SDK1: variants seen among roughly 807,000 people sequenced by gnomAD.
The protein encoded by SDK1 is protein sidekick-1.
SDK1 carries 157 observed loss-of-function variants against 245.5 expected under a neutral mutation model. The observed-to-expected ratio is 0.64, with a 90% CI of 0.56 to 0.73. The LOEUF (loss-of-function observed/expected upper bound fraction) is 0.73, where lower values mean the gene tolerates loss of function less well. Among genes scored for constraint, SDK1 ranks in the 30% least tolerant of loss-of-function variants. The pLI is 0.00. For missense variants in SDK1, 3,583 were observed against 3,002.3 expected, an observed-to-expected ratio of 1.19 and a Z score of -4.52; for synonymous variants, 1,647 against 1,278.5, an observed-to-expected ratio of 1.29 and a Z score of -6.15.
intron 33 of SDK1, among the ~76,000 whole-genome samples, chr7:4,175,331 G>A (rs994906253): frequency 6.6e-6 from 1 of 152,216 alleles, no homozygotes; most frequent in African/African-American, 2.4e-5. Flanking sequence ...CACAGTAGAA[G>A]GGCCCCGGGA....
At chr7:3,381,641 A>T (rs911117039) in intron 1 of SDK1, among the ~76,000 whole-genome samples, 2 of 152,118 alleles carry the variant, frequency 1.3e-5, no homozygotes, top group Non-Finnish European at 2.9e-5. Context: ...TCCTAGAAGG[A>T]TTGTATTTTC....
At chr7:3,739,061 C>G (rs540193529) in intron 4 of SDK1, among the ~76,000 whole-genome samples, 3 of 151,980 alleles carry the variant, frequency 2.0e-5, no homozygotes, top group South Asian at 2.1e-4. Flanking sequence ...GATTTGCATG[C>G]CTGCATAGCT....
intron 2 of SDK1, among the ~76,000 whole-genome samples, chr7:3,627,249 C>T (rs190557457): frequency 1.1e-4 from 16 of 152,206 alleles, no homozygotes; most frequent in Non-Finnish European, 1.8e-4. Flanking sequence ...GGCATTGTTC[C>T]GAATCCTATT....
chr7:4,264,207 G>GGGAGGCCGCGTAGACCTCTCCTGAGT (rs1562494369), intron 44 of SDK1, among the ~76,000 whole-genome samples: 2 of 16,866 alleles, frequency 1.2e-4, no homozygotes, highest in African/African-American at 9.4e-4. Context: ...TCTCCTGAGT[G>GGGAGGCCGCGTAGACCTCTCCTGAGT]GGGGAGGCCG....
At position 4,026,530 on chromosome 7, in the gene SDK1, C is replaced by A. The variant is rs1036304753; in HGVS notation, c.2602+9178C>A. 1.3e-5 allele frequency among the ~76,000 whole-genome samples: 2 copies of A among 152,166 alleles called. No homozygotes were observed. Among genetic ancestry groups the A allele is most frequent in the African/African-American group, 4.8e-5 (2 of 41,442 alleles). ...CCACGTGCTGTGCCCCCACCCCAGC[C>A]CAAACACTGGCCCCAAATGCTTCTC... On this transcript the variant is annotated intron_variant, in intron 17 of 44. Transcript: ENST00000404826. The surrounding 1 kb of genome is among the most constrained non-coding windows in gnomAD (Gnocchi z 4.1).
At chr7:3,322,528 G>T (rs940160373) in intron 1 of SDK1, among the ~76,000 whole-genome samples, 1 of 151,966 alleles carries the variant, frequency 6.6e-6, no homozygotes, top group Non-Finnish European at 1.5e-5. Context: ...GCAATCCTGT[G>T]TTTCACTTTT....
intron 4 of SDK1, among the ~76,000 whole-genome samples, chr7:3,680,583 G>C (rs1255763286): frequency 6.6e-6 from 1 of 152,098 alleles, no homozygotes; most frequent in Non-Finnish European, 1.5e-5. Context: ...ATTAGATGAA[G>C]AGTACATAAG....
intron 1 of SDK1, among the ~76,000 whole-genome samples, chr7:3,437,704 G>A (rs1401920245): frequency 2.0e-5 from 3 of 152,126 alleles, no homozygotes; most frequent in Admixed American, 6.5e-5. Context: ...AGCTGTGATC[G>A]TGCCACTGCA....
intron 28 of SDK1, among the ~76,000 whole-genome samples, chr7:4,137,641 T>C (rs1396434122): frequency 1.3e-5 from 2 of 152,234 alleles, no homozygotes; most frequent in Non-Finnish European, 2.9e-5. Context: ...CTCCTTTTAA[T>C]GCTCATATTA....
At chr7:3,580,987 A>C (rs1459004915) in intron 1 of SDK1, among the ~76,000 whole-genome samples, 1 of 139,130 alleles carries the variant, frequency 7.2e-6, no homozygotes, top group Admixed American at 7.4e-5. Flanking sequence ...AAAAAAAAAA[A>C]AAAAAAACCA....
At chr7:3,858,324 G>T (rs185920760) in intron 5 of SDK1, among the ~76,000 whole-genome samples, 1 of 152,020 alleles carries the variant, frequency 6.6e-6, no homozygotes, top group Non-Finnish European at 1.5e-5. Flanking sequence ...GGCTAAGAGC[G>T]GGAGGATTGC....
intron 7 of SDK1, 123 bp downstream of exon 7, chr7:3,952,043 G>A (rs764999034): frequency 3.4e-6 from 3 of 892,308 alleles, no homozygotes; most frequent in Non-Finnish European, 5.1e-6. Context: ...ATGAAGGTGA[G>A]GTTGAGTTTA....
At chr7:3,309,607 A>G (rs541706086) in intron 1 of SDK1, among the ~76,000 whole-genome samples, 1 of 140,898 alleles carries the variant, frequency 7.1e-6, no homozygotes, top group South Asian at 2.3e-4. Flanking sequence ...GATTTATATT[A>G]TTGTATAGTC....
intron 12 of SDK1, among the ~76,000 whole-genome samples, chr7:3,972,254 T>G (rs1429414336): frequency 2.0e-5 from 3 of 152,004 alleles, no homozygotes; most frequent in East Asian, 1.9e-4. Flanking sequence ...TATTTTTTTG[T>G]ATTTTTAGTA....
chr7:3,611,136 G>C (rs931421642), intron 1 of SDK1, among the ~76,000 whole-genome samples: 1 of 152,100 alleles, frequency 6.6e-6, no homozygotes, highest in Non-Finnish European at 1.5e-5. Context: ...AGTTGGGTGG[G>C]TAATTTATTT....
In SDK1 at chr7:3,511,218, C is replaced by G. The variant is rs756914502; in HGVS notation, c.299-107862C>G. ...AGGTGATTTAGAATTTCATATTTTC[C>G]TTCTTGGGTACTTACAAGATAATTT... On this transcript the variant is annotated intron_variant, in intron 1 of 44. Transcript: ENST00000404826. 5.9e-5 allele frequency among the ~76,000 whole-genome samples: 9 copies of G among 152,294 alleles called. No individual in the cohort carries two copies. In the East Asian group the frequency reaches 1.7e-3, roughly 29 times the overall value.
rs572196926 is a variant in SDK1, at chr7:3,667,048, A to G, written c.713+24943A>G. On this transcript the variant is annotated intron_variant, in intron 4 of 44. Coordinates refer to ENST00000404826, the MANE Select transcript of SDK1 (RefSeq NM_152744.4). ...TTTATGCTAAGGACTTGTTCTTTCC[A>G]TTAAGTGCTCCTAGAAGAAAAATAA... Among the ~76,000 whole-genome samples, 9 of 152,188 alleles carry G rather than the reference A, an allele frequency of 5.9e-5. No homozygotes were observed. The South Asian group carries it at 1.7e-3, about 28-fold the overall frequency.
At position 4,076,858 on chromosome 7, in the gene SDK1, A is replaced by G. The variant is rs1402521160; in HGVS notation, c.3011-140A>G. 1.3e-5 allele frequency: 9 copies of G among 670,714 alleles called. No individual in the cohort carries two copies. In the East Asian group the frequency reaches 2.5e-4, roughly 18 times the overall value. The allele number at this position is 670,714 out of a possible 1,614,324, so 41.5% of individuals were successfully genotyped here. A position where few individuals can be genotyped will look rare whatever the true frequency, so the allele number is the denominator to read the frequency against. ...GCCTTGACCTGTGTCTCATGTCAGT[A>G]GCACAGTGGCTCTAAGCTGCCTTCA... On this transcript the variant is annotated intron_variant, in intron 20 of 44. Coordinates refer to ENST00000404826, the MANE Select transcript of SDK1 (RefSeq NM_152744.4).
intron 1 of SDK1, among the ~76,000 whole-genome samples, chr7:3,551,319 A>G (rs917723339): frequency 2.0e-5 from 3 of 152,168 alleles, no homozygotes; most frequent in Non-Finnish European, 4.4e-5. Context: ...ATTTTTTGAT[A>G]TTTGAAATAA....
Sources: allele counts gnomAD v4.1 joint callset (sites outside exome capture counted in the v4.1 genomes callset), GRCh38; gene constraint gnomAD v4.1.1; non-coding constraint Gnocchi (gnomAD v3.1); transcripts MANE v1.5; gene names NCBI Gene and HGNC (gene_info 2026-07-23, HGNC 2026-07-21).